The following NSD1 variants were observed in gnomAD, a reference collection of about 807,000 sequenced individuals.
The protein encoded by NSD1 is nuclear receptor binding SET domain protein 1, also known as histone-lysine N-methyltransferase, H3 lysine-36 specific.
A neutral mutation model predicts 242.7 loss-of-function variants in NSD1; 26 were observed. That is an observed-to-expected ratio of 0.11 (90% CI 0.08 to 0.15). The LOEUF is 0.15. Among genes scored for constraint, NSD1 ranks in the 10% least tolerant of loss-of-function variants. The probability of loss-of-function intolerance (pLI) is 1.00; values close to 1 mark genes in which losing one functional copy is unlikely to be tolerated. For synonymous variants in NSD1, 1,106 were observed against 1,178.1 expected (o/e 0.94, Z 1.25); for missense variants, 2,495 against 3,272.8 (o/e 0.76, Z 5.80).
chr5:177,177,433 C>G (rs900563272), intron 2 of NSD1, among the ~76,000 whole-genome samples: 1 of 152,032 alleles, frequency 6.6e-6, no homozygotes. Context: ...TCGCTTGAAC[C>G]CAGGAGGCAG....
chr5:177,265,493 G>T, intron 14 of NSD1: 1 of 650,784 alleles, frequency 1.5e-6, no homozygotes, highest in Admixed American at 2.8e-5. Context: ...GGGAGGGAGA[G>T]AGAGAGGAAG....
chr5:177,158,945 T>TAC (rs1267672333), intron 2 of NSD1, among the ~76,000 whole-genome samples: 3 of 145,404 alleles, frequency 2.1e-5, no homozygotes, highest in Non-Finnish European at 3.0e-5. Flanking sequence ...TGTGTATATA[T>TAC]ACACACATAT....
upstream of NSD1, among the ~76,000 whole-genome samples, chr5:177,132,680 T>C (rs896510738): frequency 6.6e-6 from 1 of 151,940 alleles, no homozygotes; most frequent in Non-Finnish European, 1.5e-5. This position sits in a 1 kb window ranked among gnomAD's most constrained non-coding sequence, Gnocchi z 7.5. Flanking sequence ...GGCTCAGCGC[T>C]GGGGTCGCCT....
At chr5:177,261,080 C>T (rs1756957382) in intron 14 of NSD1, among the ~76,000 whole-genome samples, 1 of 152,044 alleles carries the variant, frequency 6.6e-6, no homozygotes, top group African/African-American at 2.4e-5. Context: ...ATTCTTAGCA[C>T]TTTCACCCAG....
Position 177,295,733 on chromosome 5 carries a change from C to G in NSD1, c.*274C>G. The G allele has an allele frequency of 1.8e-6, 1 of 542,628 alleles. No individual in the cohort carries two copies. The highest frequency in any genetic ancestry group is 3.3e-6 in the Non-Finnish European group (1 of 301,752). 33.6% of individuals were successfully genotyped at this position (542,628 alleles called of 1,614,324 possible). ...TCCCCCAACTTTTCCACATGGTCAT[C>G]GTGAAATAAAAAGTCCACTCTGGAG... On this transcript the variant is annotated 3_prime_UTR_variant, in exon 23 of 23. Coordinates refer to ENST00000439151, the MANE Select transcript of NSD1 (RefSeq NM_022455.5). The surrounding 1 kb of genome is among the most constrained non-coding windows in gnomAD (Gnocchi z 4.3).
At chr5:177,168,879 G>A (rs756941371) in intron 2 of NSD1, among the ~76,000 whole-genome samples, 6 of 152,188 alleles carry the variant, frequency 3.9e-5, no homozygotes, top group Non-Finnish European at 5.9e-5. Flanking sequence ...TAGTTGAGAT[G>A]CTTGAAGAAG....
chr5:177,218,493 T>C (rs1763961516), intron 5 of NSD1, among the ~76,000 whole-genome samples: 1 of 152,210 alleles, frequency 6.6e-6, no homozygotes, highest in South Asian at 2.1e-4. Context: ...TGTGCTGTAT[T>C]CTGTTGATTT....
In NSD1 at chr5:177,269,862, T is replaced by C. The variant is rs1183339508; in HGVS notation, c.5509+55T>C. On this transcript the variant is annotated intron_variant, in intron 16 of 22. Coordinates refer to ENST00000439151, the MANE Select transcript of NSD1 (RefSeq NM_022455.5). The surrounding 1 kb of genome is among the most constrained non-coding windows in gnomAD (Gnocchi z 5.1). ...AACACAGACCTCTGTTACCTGAGTG[T>C]CTGATCTGTTTTAGAATTCACATAT... is the stretch of plus-strand genomic sequence containing the variant. The C allele has an allele frequency of 1.4e-6, 2 of 1,463,154 alleles. No homozygotes were observed. The highest frequency in any genetic ancestry group is 1.9e-6 in the Non-Finnish European group (2 of 1,062,218). The allele number at this position is 1,463,154 out of a possible 1,614,324, so 90.6% of individuals were successfully genotyped here.
At chr5:177,212,311 AATC>A (rs1384970371) in intron 5 of NSD1, 116 bp downstream of exon 5, 4 of 964,060 alleles carry the variant, frequency 4.1e-6, no homozygotes, top group Middle Eastern at 2.4e-4. Flanking sequence ...AGCGGGGAAG[AATC>A]ATCACTTCAA....
At chr5:177,259,476 GA>G (rs1016887360) in intron 13 of NSD1, among the ~76,000 whole-genome samples, 19 of 152,168 alleles carry the variant, frequency 1.2e-4, no homozygotes, top group African/African-American at 4.1e-4. Context: ...TTAATACAAA[GA>G]AAAATGAAAA....
rs1185556298 is a variant in NSD1, at chr5:177,191,891, C to T, written c.935C>T (p.Pro312Leu). ...TGTTTTGTCTGTCTAAAGTGTCAAC[C>T]TAAGAAAAAGTCTACGCCACTGAAG... ...STSQELPFCQ[P>L]KKKSTPLKYE... The change falls in exon 3 of 23, where the codon CCT becomes CTT. Residue 312 changes from proline to leucine, a missense_variant. This residue lies in a region of NSD1 where 376 missense variants were observed against 367.4 expected (regional missense o/e 1.02). Transcript: ENST00000439151. The T allele has an allele frequency of 6.2e-7, 1 of 1,613,986 alleles. No individual in the cohort carries two copies. Among genetic ancestry groups the T allele is most frequent in the Non-Finnish European group, 8.5e-7 (1 of 1,179,964 alleles).
chr5:177,208,508 G>T (rs983134339), intron 4 of NSD1, among the ~76,000 whole-genome samples: 18 of 147,928 alleles, frequency 1.2e-4, no homozygotes, highest in Non-Finnish European at 2.5e-4. Context: ...TTTTTTCTTG[G>T]TTTTTCTTTT....
chr5:177,135,785 C>G lies in NSD1; in HGVS notation c.682C>G (p.Pro228Ala), dbSNP rs770522999. Residue 228 changes from proline (P) to alanine (A), a missense_variant, in exon 2 of 23, where the codon CCA becomes GCA. By Grantham distance (27) the Pro-to-Ala change is conservative. Transcript: ENST00000439151. ...RHGAVKSPFL[P>A]LAPQTETQKN... Reference sequence around the variant, plus strand: ...CGGTGCAGTCAAATCGCCATTCTTGCCATTAGCTCCTCAGACTGAAACACA... The same window carrying G: ...CGGTGCAGTCAAATCGCCATTCTTGGCATTAGCTCCTCAGACTGAAACACA... 43 of 1,612,332 alleles carry G rather than the reference C, an allele frequency of 2.7e-5. No homozygotes were observed. The highest frequency in any genetic ancestry group is 3.6e-5 in the Non-Finnish European group (43 of 1,178,590).
intron 5 of NSD1, among the ~76,000 whole-genome samples, chr5:177,235,489 A>ATTT (rs1765373018): frequency 6.6e-6 from 1 of 152,138 alleles, no homozygotes; most frequent in Admixed American, 6.6e-5. Context: ...TAGATGCTAC[A>ATTT]TTTTTGTTAG....
At chr5:177,245,564 TTA>T (rs1419108836) in intron 9 of NSD1, among the ~76,000 whole-genome samples, 1 of 152,190 alleles carries the variant, frequency 6.6e-6, no homozygotes, top group African/African-American at 2.4e-5. Flanking sequence ...AGATTCCTCT[TTA>T]TGTTTCTATA....
chr5:177,232,484 G>C (rs1485020957), intron 5 of NSD1, among the ~76,000 whole-genome samples: 1 of 152,192 alleles, frequency 6.6e-6, no homozygotes, highest in Admixed American at 6.5e-5. Context: ...GTGTCAGTCA[G>C]AACACAGGAA....
rs772494301 is a variant in NSD1, at chr5:177,251,756, G to A, written c.4668G>A (p.Leu1556=). Residue 1556 remains leucine (L), a synonymous_variant, in exon 12 of 23, where the codon CTG becomes CTA. Transcript: ENST00000439151. The stretch of plus-strand genomic sequence containing the variant: ...ATTGTGAAAAATTGGGTGAGCTGCT[G>A]TTATGTGAGGCTCAGTGCTGTGGGG... ...CQNCEKLGEL[L]LCEAQCCGAF... The A allele has an allele frequency of 1.2e-6, 2 of 1,614,198 alleles. No homozygotes were observed. Among genetic ancestry groups the A allele is most frequent in the South Asian group, 1.1e-5 (1 of 91,086 alleles).
intron 11 of NSD1, among the ~76,000 whole-genome samples, chr5:177,251,230 G>C (rs992689986): frequency 2.0e-5 from 3 of 151,880 alleles, no homozygotes; most frequent in African/African-American, 7.3e-5. Context: ...ATGTTTTATA[G>C]TGACAGATGC....
chr5:177,206,858 A>T (rs976431891), intron 4 of NSD1, among the ~76,000 whole-genome samples: 9 of 81,168 alleles, frequency 1.1e-4, no homozygotes, highest in Non-Finnish European at 1.9e-4. Flanking sequence ...TTCTGTGCTT[A>T]AAAAAAAAAA....
Sources: gnomAD v4.1 joint callset for allele counts (sites outside exome capture counted in the v4.1 genomes callset) on GRCh38, gnomAD v4.1.1 for gene constraint, gnomAD v4.1.1 regional missense constraint, Gnocchi (gnomAD v3.1) non-coding constraint, MANE v1.5 for transcripts, NCBI Gene and HGNC (gene_info 2026-07-23, HGNC 2026-07-21) for gene names.